FBXL5: variants seen among roughly 807,000 people sequenced by gnomAD.
The protein encoded by FBXL5 is F-box and leucine rich repeat protein 5.
Under a neutral mutation model 78.3 loss-of-function variants are expected in FBXL5, and 26 were observed. That is an observed-to-expected ratio of 0.33 (90% CI 0.24 to 0.46). The LOEUF (loss-of-function observed/expected upper bound fraction) is 0.46. Among genes scored for constraint, FBXL5 ranks in the 20% least tolerant of loss-of-function variants. The pLI, the probability that FBXL5 is intolerant of heterozygous loss-of-function variation, is 1.00. For missense variants in FBXL5, 710 were observed against 829.2 expected (o/e 0.86, Z 1.77); for synonymous variants, 295 against 282.5 (o/e 1.04, Z -0.45).
At chr4:15,646,892 T>A (rs761499530) in intron 1 of FBXL5, among the ~76,000 whole-genome samples, 1 of 151,946 alleles carries the variant, frequency 6.6e-6, no homozygotes, top group Non-Finnish European at 1.5e-5. Context: ...ACAGTCAGCC[T>A]CCGTGGGGAT....
intron 1 of FBXL5, among the ~76,000 whole-genome samples, chr4:15,674,561 A>C (rs1286549178): frequency 1.3e-5 from 2 of 152,094 alleles, no homozygotes; most frequent in Non-Finnish European, 2.9e-5. Context: ...ATTATTACTC[A>C]TGAAACTTTC....
In FBXL5 at chr4:15,640,944, C is replaced by G; in HGVS notation, c.301-61G>C. On this transcript the variant is annotated intron_variant, in intron 2 of 10. Transcript: ENST00000341285. ...TTTCGCTTCATTAATTATGTCTGGT[C>G]CCAGGAAGTTTAAAATGTGACATAA... 4 of 889,352 alleles carry G rather than the reference C, an allele frequency of 4.5e-6. No individual in the cohort carries two copies. In the South Asian group the frequency reaches 7.6e-5, roughly 17 times the overall value. 55.1% of individuals were successfully genotyped at this position (889,352 alleles called of 1,614,324 possible).
At chr4:15,670,852 C>CA (rs577971798) in intron 1 of FBXL5, among the ~76,000 whole-genome samples, 3 of 148,376 alleles carry the variant, frequency 2.0e-5, no homozygotes, top group African/African-American at 7.5e-5. Flanking sequence ...TGAATCCTTT[C>CA]AGTTGTTGTC....
chr4:15,624,898 A>G (rs1712869014), intron 9 of FBXL5, among the ~76,000 whole-genome samples: 1 of 152,248 alleles, frequency 6.6e-6, no homozygotes, highest in African/African-American at 2.4e-5. Context: ...CAGAAATAAT[A>G]CACAGCAACA....
At position 15,612,315 on chromosome 4, in the gene FBXL5, T is replaced by C; in HGVS notation, c.1950A>G (p.Ala650=). 1 of 1,612,594 alleles carries C rather than the reference T, an allele frequency of 6.2e-7. No individual in the cohort carries two copies. Among genetic ancestry groups the C allele is most frequent in the Non-Finnish European group, 8.5e-7 (1 of 1,179,296 alleles). ...TGAGLQDLVS[A]CPSLNDEYFY... Reference sequence around the variant, plus strand: ...AGTATTCATCATTCAGAGAAGGACATGCTGAAACCAAATCCTGCAGGCCTG... The same window carrying C: ...AGTATTCATCATTCAGAGAAGGACACGCTGAAACCAAATCCTGCAGGCCTG... The change falls in exon 10 of 11, where the codon GCA becomes GCG. Residue 650 remains alanine, a synonymous_variant. Transcript: ENST00000341285.
At chr4:15,635,288 G>A (rs11732953) in intron 5 of FBXL5, among the ~76,000 whole-genome samples, 50,244 of 150,262 alleles carry the variant, frequency 0.33, 8,719 homozygotes, top group Non-Finnish European at 0.37. Context: ...ATCCAAGATC[G>A]TGCCACTGAG....
At chr4:15,618,685 T>C (rs1452707729) in intron 9 of FBXL5, among the ~76,000 whole-genome samples, 1 of 151,764 alleles carries the variant, frequency 6.6e-6, no homozygotes, top group East Asian at 1.9e-4. Context: ...CCACTAAAAA[T>C]ACAAAAATTA....
At chr4:15,661,127 G>A (rs1366170234), upstream of FBXL5, among the ~76,000 whole-genome samples, 1 of 151,720 alleles carries the variant, frequency 6.6e-6, no homozygotes, top group East Asian at 1.9e-4. Flanking sequence ...TTTTATTTGT[G>A]TAACCAATTT....
upstream of FBXL5, chr4:15,656,397 ATTG>A (rs1332357374): frequency 4.2e-5 from 18 of 425,348 alleles, no homozygotes; most frequent in African/African-American, 2.3e-4. Context: ...CTTGGGAGGA[ATTG>A]TTATTTGCTT....
intron 9 of FBXL5, among the ~76,000 whole-genome samples, chr4:15,622,254 T>G (rs978584427): frequency 2.6e-5 from 4 of 152,198 alleles, no homozygotes; most frequent in African/African-American, 9.6e-5. Context: ...ACCTGAACAT[T>G]TCTATTCCTA....
chr4:15,654,655 G>A (rs1225681187), intron 1 of FBXL5, among the ~76,000 whole-genome samples: 1 of 152,230 alleles, frequency 6.6e-6, no homozygotes, highest in African/African-American at 2.4e-5. Flanking sequence ...AAGAAAGCCG[G>A]GGGTAAAAGG....
intron 9 of FBXL5, among the ~76,000 whole-genome samples, chr4:15,617,227 A>G (rs1163656832): frequency 2.0e-5 from 3 of 152,212 alleles, no homozygotes; most frequent in African/African-American, 7.2e-5. Context: ...AATACCCATA[A>G]GTCATAGAAT....
At chr4:15,627,471 T>A (rs1713187660) in intron 7 of FBXL5, among the ~76,000 whole-genome samples, 1 of 152,108 alleles carries the variant, frequency 6.6e-6, no homozygotes, top group Non-Finnish European at 1.5e-5. Context: ...AAACCAGGAT[T>A]TTTACATTTT....
chr4:15,655,073 G>T, intron 1 of FBXL5, 131 bp downstream of exon 1: 1 of 611,400 alleles, frequency 1.6e-6, no homozygotes, highest in Non-Finnish European at 2.2e-6. Context: ...GCTGACAGCT[G>T]CGCAGGCGGC....
chr4:15,655,166 C>A (rs1716722044), intron 1 of FBXL5, 38 bp downstream of exon 1: 7 of 1,357,854 alleles, frequency 5.2e-6, no homozygotes, highest in African/African-American at 1.5e-5. Context: ...CCATCGCCGC[C>A]CGCACCGCCC....
At chr4:15,612,682 G>C (rs1450486605) in intron 9 of FBXL5, among the ~76,000 whole-genome samples, 1 of 151,998 alleles carries the variant, frequency 6.6e-6, no homozygotes, top group Non-Finnish European at 1.5e-5. Flanking sequence ...AATTCTTAGA[G>C]GAAGTACTGA....
chr4:15,643,133 AT>A (rs1715059665), intron 2 of FBXL5, among the ~76,000 whole-genome samples: 1 of 152,184 alleles, frequency 6.6e-6, no homozygotes, highest in South Asian at 2.1e-4. Context: ...CCTTCTATTA[AT>A]ATTACTATCT....
intron 10 of FBXL5, among the ~76,000 whole-genome samples, chr4:15,609,276 T>C (rs1001224310): frequency 6.6e-6 from 1 of 152,088 alleles, no homozygotes. Flanking sequence ...AAAAATATAA[T>C]TGAATAATCA....
At chr4:15,623,752 CCA>C (rs1023681835) in intron 9 of FBXL5, among the ~76,000 whole-genome samples, 11 of 152,126 alleles carry the variant, frequency 7.2e-5, no homozygotes, top group Middle Eastern at 3.4e-3. Flanking sequence ...AGCAGCCAAA[CCA>C]CAGTTATACC....
Sources: gnomAD v4.1 joint callset for allele counts (sites outside exome capture counted in the v4.1 genomes callset) on GRCh38, gnomAD v4.1.1 for gene constraint, MANE v1.5 for transcripts, NCBI Gene and HGNC (gene_info 2026-07-23, HGNC 2026-07-21) for gene names.